The following LEMD3 variants were observed in gnomAD, a reference collection of about 807,000 sequenced individuals.
LEMD3 encodes the protein LEM domain containing 3, also known as inner nuclear membrane protein Man1.
In LEMD3, 33 loss-of-function variants were observed where a neutral mutation model predicts 95.2. The ratio of observed to expected loss-of-function variants is 0.35; its 90% CI spans 0.26 to 0.46. The LOEUF is 0.46. LEMD3 is among the 20% of genes least tolerant of loss of function. The pLI, the probability that LEMD3 is intolerant of heterozygous loss-of-function variation, is 1.00. For missense variants in LEMD3, 1,210 were observed against 1,192.8 expected (o/e 1.01, Z -0.21); for synonymous variants, 525 against 474.6 (o/e 1.11, Z -1.38).
At position 65,245,509 on chromosome 12, in the gene LEMD3, C is replaced by T. The variant is rs781550421; in HGVS notation, c.2388-160C>T. The T allele has an allele frequency of 9.5e-6, 6 of 632,988 alleles. No individual in the cohort carries two copies. In the Admixed American group the frequency reaches 1.1e-4, roughly 11 times the overall value. 39.2% of individuals were successfully genotyped at this position (632,988 alleles called of 1,614,324 possible). A position where few individuals can be genotyped will look rare whatever the true frequency, so the allele number is the denominator to read the frequency against. ...TTCTGAATTGTAATTTTTAAATCTA[C>T]CTCCTGTTAGTCAACAAGCATTTAC... is the stretch of plus-strand genomic sequence containing the variant. On this transcript the variant is annotated intron_variant, in intron 10 of 12. Transcript: ENST00000308330.
intron 4 of LEMD3, among the ~76,000 whole-genome samples, chr12:65,223,272 A>G (rs1185363721): frequency 6.6e-6 from 1 of 151,582 alleles, no homozygotes; most frequent in Non-Finnish European, 1.5e-5. Flanking sequence ...TTTATATAAT[A>G]AATATCCTTC....
At chr12:65,207,026 A>T (rs1335522353) in intron 1 of LEMD3, among the ~76,000 whole-genome samples, 1 of 152,158 alleles carries the variant, frequency 6.6e-6, no homozygotes. Flanking sequence ...TCAAGGAAGC[A>T]ACTTAACCTC....
chr12:65,196,553 T>C (rs1869436490), intron 1 of LEMD3, among the ~76,000 whole-genome samples: 1 of 152,100 alleles, frequency 6.6e-6, no homozygotes, highest in African/African-American at 2.4e-5. Context: ...AGTCCTTGTC[T>C]GCAGATGAAC....
At chr12:65,211,183 A>G (rs2136336000) in intron 2 of LEMD3, among the ~76,000 whole-genome samples, 1 of 152,332 alleles carries the variant, frequency 6.6e-6, no homozygotes, top group Middle Eastern at 3.4e-3. Flanking sequence ...ATTAAATCTG[A>G]CACAGATTTT....
rs900236463 is a variant in LEMD3 at position 65,239,955 on chromosome 12, C to A, written c.1948C>A (p.Arg650Ser). The A allele has an allele frequency of 1.2e-5, 20 of 1,610,600 alleles. No individual in the cohort carries two copies. The highest frequency in any genetic ancestry group is 1.5e-5 in the Non-Finnish European group (18 of 1,177,330). The change falls in exon 7 of 13, where the codon CGT becomes AGT. Residue 650 changes from arginine to serine, a missense_variant. Arg to Ser is a moderately radical substitution (Grantham distance 110). Around this residue, in one of 2 missense-constraint regions of LEMD3, gnomAD observed 461 missense variants for 569.8 expected, o/e 0.81. Coordinates refer to ENST00000308330, the MANE Select transcript of LEMD3 (RefSeq NM_014319.5). Reference sequence around the variant, plus strand: ...TGTAGTGATGGTTTGTGTCGTTCTGCGTTACATGAAATATCGATGGACAAA... The same window carrying A: ...TGTAGTGATGGTTTGTGTCGTTCTGAGTTACATGAAATATCGATGGACAAA... The part of the protein sequence containing the change: ...LGVVMVCVVL[R>S]YMKYRWTKEE...
At chr12:65,190,649 TAAAATGTATAA>T (rs1394992882) in intron 1 of LEMD3, among the ~76,000 whole-genome samples, 2 of 152,156 alleles carry the variant, frequency 1.3e-5, no homozygotes, top group African/African-American at 2.4e-5. Flanking sequence ...TATGTCTCCC[TAAAATGTATAA>T]AAGCAAGCTG....
chr12:65,217,564 TAAC>T (rs1413317013), intron 3 of LEMD3, among the ~76,000 whole-genome samples: 3 of 152,234 alleles, frequency 2.0e-5, no homozygotes, highest in African/African-American at 7.2e-5. Flanking sequence ...ACTTTCATGT[TAAC>T]AAGCTTTTTA....
chr12:65,179,496 GAGA>G lies in LEMD3; in HGVS notation c.1522+8381_1522+8383del, dbSNP rs770782775. Among the ~76,000 whole-genome samples the G allele has an allele frequency of 5.3e-5, 8 of 152,138 alleles. No individual in the cohort carries two copies. In the South Asian group the frequency reaches 6.2e-4, roughly 12 times the overall value. The stretch of plus-strand genomic sequence containing the variant: ...TATATAGTTTGTAAGTTGTTTAAAA[GAGA>G]AGGACACCTTAAACTGTTGGAACTC... On this transcript the variant is annotated intron_variant, in intron 1 of 12. Transcript: ENST00000308330.
chr12:65,213,565 C>T (rs1452102139), intron 2 of LEMD3, among the ~76,000 whole-genome samples: 2 of 152,162 alleles, frequency 1.3e-5, no homozygotes, highest in Non-Finnish European at 2.9e-5. Flanking sequence ...TTGTAAAAAA[C>T]TATAGTTGAG....
intron 1 of LEMD3, among the ~76,000 whole-genome samples, chr12:65,204,735 C>T (rs1869710734): frequency 6.6e-6 from 1 of 152,102 alleles, no homozygotes. Flanking sequence ...AACTTACACT[C>T]CCACCAATAG....
At chr12:65,196,581 C>T (rs1304736141) in intron 1 of LEMD3, among the ~76,000 whole-genome samples, 1 of 152,096 alleles carries the variant, frequency 6.6e-6, no homozygotes, top group Admixed American at 6.6e-5. Flanking sequence ...TCACAGCCTT[C>T]TCAAACTTAC....
chr12:65,240,234 G>T lies in LEMD3; in HGVS notation c.2122G>T (p.Asp708Tyr). The T allele has an allele frequency of 6.2e-7, 1 of 1,605,340 alleles. No homozygotes were observed. Among genetic ancestry groups the T allele is most frequent in the South Asian group, 1.1e-5 (1 of 90,872 alleles). ...HVRDSLIQPH[D>Y]RKKMKKVWDR... Reference sequence around the variant, plus strand: ...ACGCGATTCCTTAATACAGCCTCATGACAGGTGTGTTCAAAGCATTATGAG... The same window carrying T: ...ACGCGATTCCTTAATACAGCCTCATTACAGGTGTGTTCAAAGCATTATGAG... The change falls in exon 8 of 13, where the codon GAC (aspartate) becomes TAC (tyrosine). Residue 708 changes from aspartate to tyrosine, a missense_variant. Coordinates refer to ENST00000308330, the MANE Select transcript of LEMD3 (RefSeq NM_014319.5).
chr12:65,231,020 A>G (rs1870610311), intron 4 of LEMD3, among the ~76,000 whole-genome samples: 2 of 152,020 alleles, frequency 1.3e-5, no homozygotes, highest in Admixed American at 1.3e-4. Flanking sequence ...TTTTATCTTG[A>G]GTTATTTTAT....
chr12:65,215,445 T>C (rs1870078068), intron 2 of LEMD3, among the ~76,000 whole-genome samples: 3 of 152,218 alleles, frequency 2.0e-5, no homozygotes, highest in African/African-American at 7.2e-5. Flanking sequence ...GAACAGTTCT[T>C]AACTCCTAGT....
chr12:65,227,868 A>C (rs538285279), intron 4 of LEMD3, among the ~76,000 whole-genome samples: 3 of 152,256 alleles, frequency 2.0e-5, no homozygotes, highest in South Asian at 4.1e-4. Flanking sequence ...AAGGAAAAAA[A>C]AAAAGACTGT....
At chr12:65,187,108 A>T (rs1231272648) in intron 1 of LEMD3, among the ~76,000 whole-genome samples, 1 of 152,100 alleles carries the variant, frequency 6.6e-6, no homozygotes, top group Non-Finnish European at 1.5e-5. Context: ...GATAAACTTA[A>T]AATCAATGGT....
chr12:65,225,349 A>C (rs1207317733), intron 4 of LEMD3, among the ~76,000 whole-genome samples: 1 of 152,096 alleles, frequency 6.6e-6, no homozygotes, highest in East Asian at 1.9e-4. Flanking sequence ...ACCTTTGTAG[A>C]CTTTGTGTGG....
intron 2 of LEMD3, among the ~76,000 whole-genome samples, chr12:65,211,254 A>AGTGG (rs1406627163): frequency 6.6e-6 from 1 of 152,192 alleles, no homozygotes; most frequent in Non-Finnish European, 1.5e-5. Context: ...GTAAAATGGG[A>AGTGG]GTGGCATATC....
chr12:65,195,362 G>A (rs1438558631), intron 1 of LEMD3, among the ~76,000 whole-genome samples: 3 of 151,518 alleles, frequency 2.0e-5, no homozygotes, highest in Non-Finnish European at 4.4e-5. Flanking sequence ...AATTTTAGTC[G>A]TGTGCCAGGT....
Sources: gnomAD v4.1 joint callset for allele counts (sites outside exome capture counted in the v4.1 genomes callset) on GRCh38, gnomAD v4.1.1 for gene constraint, gnomAD v4.1.1 regional missense constraint, MANE v1.5 for transcripts, NCBI Gene and HGNC (gene_info 2026-07-23, HGNC 2026-07-21) for gene names.